TRABD2B: variants seen among roughly 807,000 people sequenced by gnomAD.
The protein encoded by TRABD2B is TraB domain containing 2B.
A neutral mutation model predicts 40.1 loss-of-function variants in TRABD2B; 14 were observed. The observed-to-expected ratio is 0.35, with a 90% CI of 0.23 to 0.55. The LOEUF is 0.55. Ranked by LOEUF, TRABD2B falls within the 20% of genes least tolerant of loss-of-function variation. The pLI is 0.90. For missense variants in TRABD2B, 541 were observed against 648.6 expected, an observed-to-expected ratio of 0.83 and a Z score of 1.80; for synonymous variants, 263 against 277.0, an observed-to-expected ratio of 0.95 and a Z score of 0.50.
intron 2 of TRABD2B, among the ~76,000 whole-genome samples, chr1:47,804,201 G>A (rs1644859589): frequency 6.6e-6 from 1 of 152,162 alleles, no homozygotes; most frequent in Admixed American, 6.5e-5. Context: ...TCCACCTCTG[G>A]GCCTTCTCCA....
At chr1:47,864,458 A>G (rs1644025075) in intron 2 of TRABD2B, among the ~76,000 whole-genome samples, 1 of 151,888 alleles carries the variant, frequency 6.6e-6, no homozygotes, top group African/African-American at 2.4e-5. Context: ...TAAACCTAAA[A>G]CTGCTCTAAA....
intron 2 of TRABD2B, among the ~76,000 whole-genome samples, chr1:47,949,730 T>C (rs536112421): frequency 2.6e-4 from 40 of 152,174 alleles, no homozygotes; most frequent in Middle Eastern, 6.8e-3. Flanking sequence ...TTCTAGGCTA[T>C]GGTTCTTCGG....
chr1:47,792,409 T>G (rs1644687272), intron 4 of TRABD2B, among the ~76,000 whole-genome samples: 2 of 152,046 alleles, frequency 1.3e-5, no homozygotes, highest in Admixed American at 1.3e-4. Flanking sequence ...GACCACAATG[T>G]GGGGAGGAGT....
intron 2 of TRABD2B, among the ~76,000 whole-genome samples, chr1:47,839,688 G>A (rs1292110209): frequency 2.0e-5 from 3 of 152,298 alleles, no homozygotes; most frequent in South Asian, 2.1e-4. Flanking sequence ...CATGGAGTGC[G>A]TGGGAACTTT....
At chr1:47,892,540 G>T (rs1393094741) in intron 2 of TRABD2B, among the ~76,000 whole-genome samples, 2 of 152,208 alleles carry the variant, frequency 1.3e-5, no homozygotes, top group East Asian at 3.8e-4. Context: ...AGTAAGAATG[G>T]ATAAGTACAG....
At chr1:47,772,108 T>C (rs1471825326) in intron 6 of TRABD2B, among the ~76,000 whole-genome samples, 1 of 151,560 alleles carries the variant, frequency 6.6e-6, no homozygotes, top group Admixed American at 6.6e-5. Context: ...GGCAACCACA[T>C]GGTGCTGGGT....
At chr1:47,955,713 G>T (rs965605824) in intron 2 of TRABD2B, among the ~76,000 whole-genome samples, 2 of 151,648 alleles carry the variant, frequency 1.3e-5, no homozygotes, top group Non-Finnish European at 1.5e-5. Flanking sequence ...CCCTCATGAA[G>T]CCTCCTACCC....
rs2148470585 is a variant in TRABD2B, at chr1:47,996,514, G to A, written c.102+174C>T. Among the ~76,000 whole-genome samples the A allele has an allele frequency of 6.6e-6, 1 of 152,312 alleles. No individual in the cohort carries two copies. Among genetic ancestry groups the A allele is most frequent in the African/African-American group, 2.4e-5 (1 of 41,580 alleles). ...GGAGCGCCCCTTCTCGCTCCTGGCT[G>A]GGAGCTGGAGCCGGGACAGGCAGGA... is the stretch of plus-strand genomic sequence containing the variant. On this transcript the variant is annotated intron_variant, in intron 1 of 6. Coordinates refer to ENST00000606738, the MANE Select transcript of TRABD2B (RefSeq NM_001194986.2). The surrounding 1 kb of genome is among the most constrained non-coding windows in gnomAD (Gnocchi z 4.6).
rs140811456 is a variant in TRABD2B, at chr1:47,964,428, C to T, written c.666+29606G>A. ...GAATTCTGAAACACTGTATAAACAT[C>T]GTTTCCAAACTTTTTACTGAGATAA... On this transcript the variant is annotated intron_variant, in intron 2 of 6. Transcript: ENST00000606738. Among the ~76,000 whole-genome samples, 897 of 152,252 alleles carry T rather than the reference C, an allele frequency of 5.9e-3. 6 individuals carry two copies. Among genetic ancestry groups the T allele is most frequent in the Non-Finnish European group, 9.5e-3 (643 of 68,008 alleles).
intron 3 of TRABD2B, among the ~76,000 whole-genome samples, chr1:47,799,408 C>T (rs971438855): frequency 3.3e-5 from 5 of 152,222 alleles, no homozygotes; most frequent in Non-Finnish European, 7.3e-5. Context: ...TCTCTCCACC[C>T]TCACTTCTCT....
At chr1:47,774,160 G>A (rs1373762992) in intron 6 of TRABD2B, among the ~76,000 whole-genome samples, 1 of 152,152 alleles carries the variant, frequency 6.6e-6, no homozygotes, top group African/African-American at 2.4e-5. Flanking sequence ...GATACATGAG[G>A]TCTGCGGTGG....
chr1:47,972,844 T>C (rs754340977), intron 2 of TRABD2B, among the ~76,000 whole-genome samples: 1 of 152,148 alleles, frequency 6.6e-6, no homozygotes, highest in Non-Finnish European at 1.5e-5. Context: ...CCTTCAGATC[T>C]ACAGTCTGTG....
At chr1:47,896,795 T>C (rs149107778) in intron 2 of TRABD2B, among the ~76,000 whole-genome samples, 1 of 152,360 alleles carries the variant, frequency 6.6e-6, no homozygotes, top group Non-Finnish European at 1.5e-5. Flanking sequence ...GGCATCAGTT[T>C]CCTCATCTGA....
intron 2 of TRABD2B, among the ~76,000 whole-genome samples, chr1:47,944,956 C>T (rs576884613): frequency 6.6e-6 from 1 of 152,130 alleles, no homozygotes; most frequent in East Asian, 1.9e-4. Context: ...AAAATGAACC[C>T]CCAAAGGCAC....
chr1:47,859,932 A>T (rs1643942543), intron 2 of TRABD2B, among the ~76,000 whole-genome samples: 1 of 152,198 alleles, frequency 6.6e-6, no homozygotes, highest in African/African-American at 2.4e-5. Context: ...AGTCCTGTTG[A>T]CAGATGTGAA....
intron 2 of TRABD2B, among the ~76,000 whole-genome samples, chr1:47,938,756 A>G (rs1434898754): frequency 1.3e-5 from 2 of 152,196 alleles, no homozygotes; most frequent in Non-Finnish European, 2.9e-5. Flanking sequence ...ACAACATTTG[A>G]GACCTGTGGG....
chr1:47,898,818 A>AAATTCTG (rs1213751826), intron 2 of TRABD2B, among the ~76,000 whole-genome samples: 4 of 152,212 alleles, frequency 2.6e-5, no homozygotes, highest in Non-Finnish European at 5.9e-5. Flanking sequence ...AACATCCAAA[A>AAATTCTG]AATTCTGAAT....
intron 2 of TRABD2B, among the ~76,000 whole-genome samples, chr1:47,947,405 T>C (rs891339529): frequency 2.0e-5 from 3 of 152,138 alleles, no homozygotes; most frequent in Non-Finnish European, 4.4e-5. Flanking sequence ...CCAGGAGTGA[T>C]GGGGCAGGAG....
chr1:47,845,900 A>C (rs1322488195), intron 2 of TRABD2B, among the ~76,000 whole-genome samples: 1 of 152,252 alleles, frequency 6.6e-6, no homozygotes, highest in Non-Finnish European at 1.5e-5. Context: ...CCTGGCACAT[A>C]GTAAGTGCTT....
Sources: allele counts gnomAD v4.1 joint callset (sites outside exome capture counted in the v4.1 genomes callset), GRCh38; gene constraint gnomAD v4.1.1; non-coding constraint Gnocchi (gnomAD v3.1); transcripts MANE v1.5; gene names NCBI Gene and HGNC (gene_info 2026-07-23, HGNC 2026-07-21).